Variants in ANKRA2 observed in about 807,000 individuals in gnomAD.
ANKRA2 encodes the protein ankyrin repeat family A member 2, also known as ankyrin repeat family A protein 2.
ANKRA2 carries 33 observed loss-of-function variants against 37.8 expected under a neutral mutation model. The ratio of observed to expected loss-of-function variants is 0.87; its 90% CI spans 0.66 to 1.17. The LOEUF (loss-of-function observed/expected upper bound fraction) is 1.17. ANKRA2 is among the 50% of genes most tolerant of loss of function. The probability of loss-of-function intolerance (pLI) is 0.00; values close to 1 mark genes in which losing one functional copy is unlikely to be tolerated. For synonymous variants in ANKRA2, 126 were observed against 132.3 expected (o/e 0.95, Z 0.33); for missense variants, 326 against 373.7 (o/e 0.87, Z 1.05).
chr5:73,552,738 C>G lies in ANKRA2; in HGVS notation c.*59G>C. Reference sequence around the variant, plus strand: ...GGTAAAAATTTATAAGTAAACAAAACTATCATTTATAAGGACCAAGAAGTA... The same window carrying G: ...GGTAAAAATTTATAAGTAAACAAAAGTATCATTTATAAGGACCAAGAAGTA... On this transcript the variant is annotated 3_prime_UTR_variant, in exon 9 of 9. Transcript: ENST00000296785. 6.8e-7 allele frequency: 1 copy of G among 1,476,936 alleles called. No homozygotes were observed. The highest frequency in any genetic ancestry group is 9.3e-7 in the Non-Finnish European group (1 of 1,070,316). 91.5% of individuals were successfully genotyped at this position (1,476,936 alleles called of 1,614,324 possible).
At chr5:73,555,348 G>C in intron 5 of ANKRA2, 140 bp downstream of exon 5, 1 of 1,374,228 alleles carries the variant, frequency 7.3e-7, no homozygotes, top group Non-Finnish European at 9.6e-7. Flanking sequence ...CTAGATCCAA[G>C]TTCCACAAGA....
Position 73,561,262 on chromosome 5 carries a change from AAGG to A in ANKRA2, c.313_315del (p.Pro105del), listed in dbSNP as rs751734023. On this transcript the variant is annotated inframe_deletion, in exon 3 of 9. Coordinates refer to ENST00000296785, the MANE Select transcript of ANKRA2 (RefSeq NM_023039.5). ...ACATGCCTTACTTGAATTCCCGGAG[AAGG>A]AGATGTATGGATATTGCATTCAGCT... 4.3e-6 allele frequency: 7 copies of A among 1,613,202 alleles called. No individual in the cohort carries two copies. In the South Asian group the frequency reaches 4.4e-5, roughly 10 times the overall value.
At chr5:73,563,851 C>T (rs1381379786) in intron 1 of ANKRA2, among the ~76,000 whole-genome samples, 2 of 152,186 alleles carry the variant, frequency 1.3e-5, no homozygotes, top group East Asian at 3.9e-4. Context: ...GAGCAAGGGT[C>T]GCGAAACCAT....
At chr5:73,555,866 C>T (rs1747386850) in intron 4 of ANKRA2, among the ~76,000 whole-genome samples, 1 of 152,190 alleles carries the variant, frequency 6.6e-6, no homozygotes, top group African/African-American at 2.4e-5. Flanking sequence ...CAAGAGAACA[C>T]TGGTCTCAGA....
chr5:73,557,587 G>A lies in ANKRA2; in HGVS notation c.502C>T (p.Arg168Cys), dbSNP rs747312994. 7 of 1,606,330 alleles carry A rather than the reference G, an allele frequency of 4.4e-6. No homozygotes were observed. The highest frequency in any genetic ancestry group is 1.1e-5 in the South Asian group (1 of 90,644). ...AATAGGCTATTACCTTGTTCGATACGAGTAGCCAGATAGAGCATCTCTCCC... is the reference window on the plus strand; with the variant it reads ...AATAGGCTATTACCTTGTTCGATACAAGTAGCCAGATAGAGCATCTCTCCC... Reference protein sequence around the residue: ...AQGEMLYLATRIEQENVINHT... With the variant: ...AQGEMLYLATCIEQENVINHT... Residue 168 changes from arginine (R) to cysteine (C), a missense_variant, in exon 4 of 9, where the codon CGT (arginine) becomes TGT (cysteine). Transcript: ENST00000296785.
intron 2 of ANKRA2, chr5:73,562,359 T>G (rs764099255): frequency 8.0e-6 from 3 of 376,502 alleles, no homozygotes; most frequent in Non-Finnish European, 1.4e-5. Context: ...ATTAGGGAAT[T>G]TGTAAACAAA....
chr5:73,561,202 T>C lies in ANKRA2; in HGVS notation c.376A>G (p.Ile126Val), dbSNP rs1747542215. ...TTGGTTAAAGTGGTTGACTGTTTTA[T>C]GGGTGAGAAATGCTTTGTTGTAGAG... ...TPSTTKHFSP[I>V]KQSTTLTNKH... Residue 126 changes from isoleucine (I) to valine (V), a missense_variant, in exon 3 of 9, where the codon ATA becomes GTA. By Grantham distance (29) the Ile-to-Val change is conservative (BLOSUM62 3). Coordinates refer to ENST00000296785, the MANE Select transcript of ANKRA2 (RefSeq NM_023039.5). 1 of 1,613,814 alleles carries C rather than the reference T, an allele frequency of 6.2e-7. No individual in the cohort carries two copies.
chr5:73,554,846 G>C lies in ANKRA2; in HGVS notation c.738+15C>G, dbSNP rs762236957. The C allele has an allele frequency of 3.1e-6, 5 of 1,604,056 alleles. No homozygotes were observed. The African/African-American group carries it at 6.7e-5, about 22-fold the overall frequency. On this transcript the variant is annotated intron_variant, in intron 6 of 8. Transcript: ENST00000296785. ...ACTTGCTAGAGTCATTTTAAATTTA[G>C]TATTACAAACTTACCCAATCATATT... is the stretch of plus-strand genomic sequence containing the variant.
chr5:73,553,390 G>A lies in ANKRA2; in HGVS notation c.886+16C>T. ...AGCTTTACTAAGATGAGACACAGGAGTTCTAACATACTTACCACTTCTATA... is the reference window on the plus strand; with the variant it reads ...AGCTTTACTAAGATGAGACACAGGAATTCTAACATACTTACCACTTCTATA... On this transcript the variant is annotated intron_variant, in intron 8 of 8. Transcript: ENST00000296785. 6.3e-7 allele frequency: 1 copy of A among 1,587,300 alleles called. No homozygotes were observed. Among genetic ancestry groups the A allele is most frequent in the Non-Finnish European group, 8.6e-7 (1 of 1,157,930 alleles).
chr5:73,560,062 C>T (rs976875139), intron 3 of ANKRA2, among the ~76,000 whole-genome samples: 1 of 152,092 alleles, frequency 6.6e-6, no homozygotes, highest in Non-Finnish European at 1.5e-5. Flanking sequence ...CCGTGTCTAG[C>T]CCCACATGAA....
intron 7 of ANKRA2, 130 bp downstream of exon 7, chr5:73,554,192 G>C (rs1747333704): frequency 1.2e-6 from 1 of 832,898 alleles, no homozygotes; most frequent in South Asian, 1.6e-5. Context: ...GGTGCTCTAA[G>C]GGTGAAGAGC....
Position 73,565,632 on chromosome 5 carries a change from G to A in ANKRA2, c.-605C>T. 2.5e-6 allele frequency: 1 copy of A among 403,276 alleles called. No homozygotes were observed. Among genetic ancestry groups the A allele is most frequent in the Non-Finnish European group, 5.0e-6 (1 of 201,448 alleles). 25.0% of individuals were successfully genotyped at this position (403,276 alleles called of 1,614,324 possible). ...TTGACGGTTCTGGGTCACCAGAGCA[G>A]AGGAAGCCCCAATTTCGCCCTCCGG... On this transcript the variant is annotated 5_prime_UTR_variant, in exon 1 of 9. Transcript: ENST00000296785.
At chr5:73,561,417 T>C in intron 2 of ANKRA2, 129 bp from the exon 3 acceptor site, 2 of 925,938 alleles carry the variant, frequency 2.2e-6, no homozygotes, top group African/African-American at 1.7e-5. Context: ...TGATACTAAA[T>C]TGTTTTTATC....
chr5:73,564,616 A>C (rs1331392163), intron 1 of ANKRA2, among the ~76,000 whole-genome samples: 1 of 152,226 alleles, frequency 6.6e-6, no homozygotes, highest in African/African-American at 2.4e-5. Flanking sequence ...CTGGACAAAT[A>C]AATAATACAA....
chr5:73,559,254 T>C (rs145932014), intron 3 of ANKRA2, among the ~76,000 whole-genome samples: 1,557 of 152,360 alleles, frequency 0.01, 16 homozygotes, highest in Non-Finnish European at 0.013. Context: ...ACAGATTTTG[T>C]CATGCTTTAG....
At chr5:73,559,112 T>C (rs1305391197) in intron 3 of ANKRA2, among the ~76,000 whole-genome samples, 1 of 152,154 alleles carries the variant, frequency 6.6e-6, no homozygotes, top group Non-Finnish European at 1.5e-5. Context: ...TGGTGTCCTA[T>C]GCAAATTTAT....
At position 73,557,630 on chromosome 5, in the gene ANKRA2, AACAG is replaced by A. The variant is rs1165729442; in HGVS notation, c.455_458del (p.Ser152PhefsTer34). Reference sequence around the variant, plus strand: ...TCTCTCCCTGAGCAGCCAACTGGTGAACAGACAAAGCTGAAAGAGTATCATAAAA... The same window carrying A: ...TCTCTCCCTGAGCAGCCAACTGGTGAACAAAGCTGAAAGAGTATCATAAAA... On this transcript the variant is annotated frameshift_variant, in exon 4 of 9. Transcript: ENST00000296785. LOFTEE classifies it high-confidence loss of function. 1.2e-6 allele frequency: 2 copies of A among 1,610,236 alleles called. No homozygotes were observed. The highest frequency in any genetic ancestry group is 1.1e-5 in the South Asian group (1 of 90,824).
chr5:73,563,530 C>G (rs1205224719), intron 1 of ANKRA2, among the ~76,000 whole-genome samples: 1 of 152,192 alleles, frequency 6.6e-6, no homozygotes, highest in Admixed American at 6.5e-5. Flanking sequence ...CCTGTGATTC[C>G]TAGACCATGA....
At chr5:73,553,100 T>A (rs1274626338) in intron 8 of ANKRA2, among the ~76,000 whole-genome samples, 1 of 152,046 alleles carries the variant, frequency 6.6e-6, no homozygotes, top group Non-Finnish European at 1.5e-5. Context: ...TCAAGGAGAG[T>A]CCAGAATACA....
Sources: gnomAD v4.1 joint callset for allele counts (sites outside exome capture counted in the v4.1 genomes callset) on GRCh38, gnomAD v4.1.1 for gene constraint, MANE v1.5 for transcripts, NCBI Gene and HGNC (gene_info 2026-07-23, HGNC 2026-07-21) for gene names.